The following GABRB2 variants were observed in gnomAD, a reference collection of about 807,000 sequenced individuals.
The protein encoded by GABRB2 is gamma-aminobutyric acid type A receptor subunit beta2.
A neutral mutation model predicts 54.7 loss-of-function variants in GABRB2; 16 were observed. The observed-to-expected ratio is 0.29, with a 90% CI of 0.20 to 0.44. GABRB2 has a LOEUF of 0.44. Among genes scored for constraint, GABRB2 ranks in the 20% least tolerant of loss-of-function variants. GABRB2 has a pLI of 1.00. For synonymous variants in GABRB2, 244 were observed against 233.8 expected, an observed-to-expected ratio of 1.04 and a Z score of -0.40; for missense variants, 355 against 644.0, an observed-to-expected ratio of 0.55 and a Z score of 4.86.
At chr5:161,380,648 C>T (rs776788813) in intron 5 of GABRB2, among the ~76,000 whole-genome samples, 3 of 151,938 alleles carry the variant, frequency 2.0e-5, no homozygotes, top group Non-Finnish European at 2.9e-5. Context: ...AAAAATCTGA[C>T]GTTTTAAAAT....
Position 161,289,511 on chromosome 5 carries a change from C to CA in GABRB2, c.*4569dup, listed in dbSNP as rs1757179613. On this transcript the variant is annotated 3_prime_UTR_variant, in exon 10 of 10. Coordinates refer to ENST00000393959, the MANE Select transcript of GABRB2 (RefSeq NM_001371727.1). ...GTCTTCTAGTGTATATTGTGTAACA[C>CA]ATTTCTGGAGCTGGTAGGAATAACC... 6.6e-6 allele frequency: 1 copy of CA among 151,546 alleles called. No individual in the cohort carries two copies. The highest frequency in any genetic ancestry group is 1.5e-5 in the Non-Finnish European group (1 of 67,940). The allele number at this position is 151,546 out of a possible 1,614,324, so 9.4% of individuals were successfully genotyped here.
At chr5:161,303,767 C>T (rs1387916069) in intron 9 of GABRB2, among the ~76,000 whole-genome samples, 1 of 152,132 alleles carries the variant, frequency 6.6e-6, no homozygotes, top group Non-Finnish European at 1.5e-5. Flanking sequence ...TCAAAGCCCA[C>T]AAACAGAATG....
intron 4 of GABRB2, among the ~76,000 whole-genome samples, chr5:161,413,233 A>G (rs192032490): frequency 2.0e-5 from 3 of 152,320 alleles, no homozygotes; most frequent in Admixed American, 6.5e-5. Context: ...AAGTCTTTCT[A>G]TTAATATTTG....
At chr5:161,463,553 ATT>A (rs200025400) in intron 3 of GABRB2, among the ~76,000 whole-genome samples, 2,251 of 24,578 alleles carry the variant, frequency 0.092, 112 homozygotes, top group Non-Finnish European at 0.12. Flanking sequence ...AAATATTTTT[ATT>A]TATATATATA....
chr5:161,442,557 G>A (rs1757498713), intron 4 of GABRB2, among the ~76,000 whole-genome samples: 1 of 152,134 alleles, frequency 6.6e-6, no homozygotes, highest in Admixed American at 6.6e-5. Flanking sequence ...GAGAAACAGA[G>A]GTATGTGCCC....
intron 3 of GABRB2, among the ~76,000 whole-genome samples, chr5:161,531,733 A>T (rs192349082): frequency 3.8e-4 from 56 of 149,200 alleles, no homozygotes; most frequent in East Asian, 2.1e-3. Flanking sequence ...ATGAGAAATT[A>T]AAAAAAAAAC....
At chr5:161,419,508 T>C (rs1756787201) in intron 4 of GABRB2, among the ~76,000 whole-genome samples, 1 of 152,212 alleles carries the variant, frequency 6.6e-6, no homozygotes, top group Non-Finnish European at 1.5e-5. Flanking sequence ...TAACTGCTCT[T>C]ATATGTTTAT....
chr5:161,485,116 T>C (rs1209709369), intron 3 of GABRB2, among the ~76,000 whole-genome samples: 1 of 151,870 alleles, frequency 6.6e-6, no homozygotes, highest in Non-Finnish European at 1.5e-5. Flanking sequence ...GGTCCTAAAA[T>C]ATATACCACT....
At chr5:161,410,291 C>T (rs1756468661) in intron 5 of GABRB2, among the ~76,000 whole-genome samples, 1 of 151,804 alleles carries the variant, frequency 6.6e-6, no homozygotes, top group African/African-American at 2.4e-5. Flanking sequence ...TTTAGCCCAC[C>T]CAATAGGGCA....
chr5:161,544,230 C>T (rs1760902273), intron 3 of GABRB2, among the ~76,000 whole-genome samples: 1 of 152,182 alleles, frequency 6.6e-6, no homozygotes, highest in Non-Finnish European at 1.5e-5. Flanking sequence ...CTAGACAGAA[C>T]TATGCCAAAA....
At chr5:161,351,956 CA>C (rs1349593350) in intron 5 of GABRB2, among the ~76,000 whole-genome samples, 1 of 152,004 alleles carries the variant, frequency 6.6e-6, no homozygotes, top group African/African-American at 2.4e-5. Flanking sequence ...AAAATATGCT[CA>C]ATCTCACTAA....
chr5:161,297,006 T>C (rs1190069719), intron 9 of GABRB2, among the ~76,000 whole-genome samples: 3 of 152,224 alleles, frequency 2.0e-5, no homozygotes, highest in East Asian at 3.8e-4. Flanking sequence ...GAAGTTTATT[T>C]ACTTACTGGT....
chr5:161,461,179 A>C (rs563196787), intron 3 of GABRB2, among the ~76,000 whole-genome samples: 1 of 152,330 alleles, frequency 6.6e-6, no homozygotes, highest in South Asian at 2.1e-4. Context: ...TGAGAATCCT[A>C]ATCAGTCTAG....
chr5:161,346,238 C>A (rs1269228476), intron 5 of GABRB2, among the ~76,000 whole-genome samples: 1 of 152,042 alleles, frequency 6.6e-6, no homozygotes, highest in Non-Finnish European at 1.5e-5. Context: ...TGGCCATGAC[C>A]CTCTGATAAT....
At chr5:161,349,762 C>T (rs1465521989) in intron 5 of GABRB2, among the ~76,000 whole-genome samples, 1 of 152,046 alleles carries the variant, frequency 6.6e-6, no homozygotes, top group Admixed American at 6.6e-5. Flanking sequence ...CAACAGCCTG[C>T]AGGAAACTTA....
chr5:161,458,086 T>G (rs1043133634), intron 4 of GABRB2, among the ~76,000 whole-genome samples: 98 of 152,290 alleles, frequency 6.4e-4, no homozygotes, highest in African/African-American at 2.2e-3. Context: ...ATGCTTAACT[T>G]TTTAAAAATA....
At chr5:161,386,153 A>T (rs1042312755) in intron 5 of GABRB2, among the ~76,000 whole-genome samples, 2 of 152,080 alleles carry the variant, frequency 1.3e-5, no homozygotes, top group Admixed American at 6.6e-5. Context: ...GTTTGTATTT[A>T]TCCTAAGTGG....
At chr5:161,396,841 G>A (rs889463557) in intron 5 of GABRB2, among the ~76,000 whole-genome samples, 1 of 152,128 alleles carries the variant, frequency 6.6e-6, no homozygotes, top group Non-Finnish European at 1.5e-5. Flanking sequence ...ACTTTCAGGA[G>A]TAAATTAATT....
At chr5:161,356,193 T>A (rs1212031559) in intron 5 of GABRB2, among the ~76,000 whole-genome samples, 1 of 152,136 alleles carries the variant, frequency 6.6e-6, no homozygotes, top group Non-Finnish European at 1.5e-5. Context: ...TTTAAGCAAA[T>A]AGTAACTTGA....
Sources: gnomAD v4.1 joint callset for allele counts (sites outside exome capture counted in the v4.1 genomes callset) on GRCh38, gnomAD v4.1.1 for gene constraint, MANE v1.5 for transcripts, NCBI Gene and HGNC (gene_info 2026-07-23, HGNC 2026-07-21) for gene names.